MIS18BP1: variants seen among roughly 807,000 people sequenced by gnomAD.
MIS18BP1 encodes MIS18 binding protein 1, also known as mis18-binding protein 1.
MIS18BP1 carries 72 observed loss-of-function variants against 116.1 expected under a neutral mutation model. That is an observed-to-expected ratio of 0.62 (90% confidence interval 0.51 to 0.75). The LOEUF (loss-of-function observed/expected upper bound fraction) is 0.75, where lower values mean the gene tolerates loss of function less well. Among genes scored for constraint, MIS18BP1 ranks in the 30% least tolerant of loss-of-function variants. The pLI is 0.00. For missense variants in MIS18BP1, 1,363 were observed against 1,303.2 expected (o/e 1.05, Z -0.71); for synonymous variants, 386 against 427.0 (o/e 0.90, Z 1.18).
chr14:45,251,036 C>CAAAAAAAAAA (rs1230380755), intron 1 of MIS18BP1, among the ~76,000 whole-genome samples: 1 of 59,250 alleles, frequency 1.7e-5, no homozygotes, highest in Admixed American at 1.7e-4. Context: ...GACTCTGCCT[C>CAAAAAAAAAA]AAAAAAAAAA....
In MIS18BP1 at chr14:45,218,408, C is replaced by T. The variant is rs1320612044; in HGVS notation, c.2716G>A (p.Val906Ile). ...GATCGAGAACCTACAGCCGCAGCTACCTCTGACCAGAAACCAGGTTTGTGC... is the reference window on the plus strand; with the variant it reads ...GATCGAGAACCTACAGCCGCAGCTATCTCTGACCAGAAACCAGGTTTGTGC... ...PKHKPGFWSE[V>I]AAAVGSRSPE... The change falls in exon 12 of 17, where the codon GTA (valine) becomes ATA (isoleucine). Residue 906 changes from valine to isoleucine, a missense_variant. Transcript: ENST00000310806. The T allele has an allele frequency of 3.7e-6, 6 of 1,613,182 alleles. No individual in the cohort carries two copies. Among genetic ancestry groups the T allele is most frequent in the South Asian group, 1.1e-5 (1 of 90,856 alleles).
intron 4 of MIS18BP1, among the ~76,000 whole-genome samples, chr14:45,239,616 C>T (rs377726603): frequency 6.6e-5 from 10 of 152,074 alleles, no homozygotes; most frequent in Admixed American, 3.3e-4. Flanking sequence ...ATTGAGATGA[C>T]AAGTTACTGG....
rs770122199 is a variant in MIS18BP1, at chr14:45,224,352, G to C, written c.2235C>G (p.Thr745=). Reference sequence around the variant, plus strand: ...TTTTCTTCAATTTTGGTAATAGTCTGGTATTTTTCTTAAAGTCAGAGGTGA... The same window carrying C: ...TTTTCTTCAATTTTGGTAATAGTCTCGTATTTTTCTTAAAGTCAGAGGTGA... ...QMLTSDFKKN[T]RLLPKLKKIE... The change falls in exon 11 of 17, where the codon ACC becomes ACG. Residue 745 remains threonine, a synonymous_variant. Transcript: ENST00000310806. 1 of 1,613,428 alleles carries C rather than the reference G, an allele frequency of 6.2e-7. No homozygotes were observed. The highest frequency in any genetic ancestry group is 8.5e-7 in the Non-Finnish European group (1 of 1,179,842).
intron 13 of MIS18BP1, 101 bp downstream of exon 13, chr14:45,216,918 G>C (rs1384440881): frequency 7.8e-7 from 1 of 1,278,026 alleles, no homozygotes; most frequent in African/African-American, 1.5e-5. Flanking sequence ...GGAGGCTACT[G>C]ATCCTTGGCC....
rs114087249 is a variant in MIS18BP1 at position 45,248,812 on chromosome 14, G to A, written c.-91-1435C>T. ...CCACTATAATTCTTTCATAACATACGAATCCTGCAAATACATATTAACGCA... is the reference window on the plus strand; with the variant it reads ...CCACTATAATTCTTTCATAACATACAAATCCTGCAAATACATATTAACGCA... On this transcript the variant is annotated intron_variant, in intron 1 of 16. Transcript: ENST00000310806. 6.6e-3 allele frequency among the ~76,000 whole-genome samples: 1,000 copies of A among 152,242 alleles called. 8 individuals are homozygous for A. The highest frequency in any genetic ancestry group is 0.023 in the African/African-American group (953 of 41,516).
At chr14:45,213,569 G>T (rs1338477607) in intron 13 of MIS18BP1, among the ~76,000 whole-genome samples, 4 of 152,188 alleles carry the variant, frequency 2.6e-5, no homozygotes, top group African/African-American at 4.8e-5. Flanking sequence ...TCCAGTCTCT[G>T]TCCTAACTAC....
At chr14:45,226,939 T>G in intron 9 of MIS18BP1, 103 bp from the exon 10 acceptor site, 1 of 1,018,040 alleles carries the variant, frequency 9.8e-7, no homozygotes, top group South Asian at 2.6e-5. Flanking sequence ...TTCTAGGTAC[T>G]TACAGTTCCG....
chr14:45,217,010 G>T lies in MIS18BP1; in HGVS notation c.3003+9C>A. The stretch of plus-strand genomic sequence containing the variant: ...CAGATAAGGAAAACAATGATTTCAT[G>T]CCTCTTACCAGTATTCTTTGATGCT... On this transcript the variant is annotated intron_variant, in intron 13 of 16. Coordinates refer to ENST00000310806, the MANE Select transcript of MIS18BP1 (RefSeq NM_018353.5). 6.2e-7 allele frequency: 1 copy of T among 1,610,904 alleles called. No individual in the cohort carries two copies. The highest frequency in any genetic ancestry group is 1.1e-5 in the South Asian group (1 of 90,644).
Position 45,247,018 on chromosome 14 carries a change from A to G in MIS18BP1, c.269T>C (p.Leu90Pro). The G allele has an allele frequency of 1.2e-6, 2 of 1,613,534 alleles. No individual in the cohort carries two copies. The change falls in exon 2 of 17, where the codon CTT becomes CCT. Residue 90 changes from leucine (L) to proline (P), a missense_variant. Physicochemically the swap from Leu to Pro is moderately conservative, Grantham distance 98. Transcript: ENST00000310806. ...GTTGGGCTTTATAGCACTGATATCA[A>G]GAGAACTGTTAGAGGTAGTAGCCTC... ...LTEATTSNSSLDISAIKPNKD... is the reference protein window; with the variant it reads ...LTEATTSNSSPDISAIKPNKD...
At chr14:45,223,852 T>G in intron 11 of MIS18BP1, 66 bp downstream of exon 11, 1 of 1,232,816 alleles carries the variant, frequency 8.1e-7, no homozygotes. Context: ...CTTATTGCTA[T>G]TTTTATGTCT....
intron 1 of MIS18BP1, among the ~76,000 whole-genome samples, chr14:45,249,821 A>AGATC (rs1891819853): frequency 6.6e-6 from 1 of 152,176 alleles, no homozygotes. Flanking sequence ...CAGTGAGCTG[A>AGATC]GATCGCACCA....
At chr14:45,244,816 A>T (rs970638454) in intron 2 of MIS18BP1, among the ~76,000 whole-genome samples, 1 of 152,202 alleles carries the variant, frequency 6.6e-6, no homozygotes, top group African/African-American at 2.4e-5. Flanking sequence ...TAAAATAATA[A>T]TCCACCAACA....
intron 5 of MIS18BP1, 114 bp downstream of exon 5, chr14:45,237,534 C>G: frequency 6.9e-6 from 9 of 1,308,726 alleles, no homozygotes; most frequent in Non-Finnish European, 9.2e-6. Context: ...GCCTTCAGTT[C>G]ATAACCTTGT....
At position 45,224,548 on chromosome 14, in the gene MIS18BP1, T is replaced by C; in HGVS notation, c.2039A>G (p.Asp680Gly). Reference sequence around the variant, plus strand: ...TTTTTGACACTCTGGTATTACAAAATCTGTTACTGCTTTGATGGTGCCAGC... The same window carrying C: ...TTTTTGACACTCTGGTATTACAAAACCTGTTACTGCTTTGATGGTGCCAGC... ...LSAGTIKAVT[D>G]FVIPECQKKS... Residue 680 changes from aspartate (D) to glycine (G), a missense_variant, in exon 11 of 17, where the codon GAT becomes GGT. By Grantham distance (94) the Asp-to-Gly change is moderately conservative (BLOSUM62 -1). Coordinates refer to ENST00000310806, the MANE Select transcript of MIS18BP1 (RefSeq NM_018353.5). 1.2e-6 allele frequency: 2 copies of C among 1,612,596 alleles called. No homozygotes were observed. Among genetic ancestry groups the C allele is most frequent in the South Asian group, 2.2e-5 (2 of 90,538 alleles).
intron 10 of MIS18BP1, among the ~76,000 whole-genome samples, chr14:45,226,478 T>G (rs946638947): frequency 1.3e-5 from 2 of 152,212 alleles, no homozygotes; most frequent in African/African-American, 4.8e-5. Context: ...TAAGCATATG[T>G]TAAATGATAT....
intron 11 of MIS18BP1, among the ~76,000 whole-genome samples, chr14:45,222,983 G>C (rs1370421369): frequency 2.0e-5 from 3 of 152,182 alleles, no homozygotes; most frequent in African/African-American, 4.8e-5. Flanking sequence ...ATCTCTCAGA[G>C]TTTTAGATAT....
chr14:45,245,751 T>A (rs1040263133), intron 2 of MIS18BP1, among the ~76,000 whole-genome samples: 1 of 152,216 alleles, frequency 6.6e-6, no homozygotes, highest in East Asian at 1.9e-4. Flanking sequence ...CACTTACTCC[T>A]TGATGACCTC....
At chr14:45,212,298 T>G (rs758455582) in intron 13 of MIS18BP1, among the ~76,000 whole-genome samples, 15 of 152,070 alleles carry the variant, frequency 9.9e-5, no homozygotes, top group Non-Finnish European at 2.1e-4. Context: ...CTGACTAAAT[T>G]GGAAACAAGC....
At chr14:45,234,130 G>C (rs1393792509) in intron 6 of MIS18BP1, among the ~76,000 whole-genome samples, 1 of 151,898 alleles carries the variant, frequency 6.6e-6, no homozygotes, top group African/African-American at 2.4e-5. Context: ...GATTAACTCT[G>C]TTCAAAGTGT....
Sources: gnomAD v4.1 joint callset for allele counts (sites outside exome capture counted in the v4.1 genomes callset) on GRCh38, gnomAD v4.1.1 for gene constraint, MANE v1.5 for transcripts, NCBI Gene and HGNC (gene_info 2026-07-23, HGNC 2026-07-21) for gene names.